The following PIK3AP1 variants were observed in gnomAD, a reference collection of about 807,000 sequenced individuals.
PIK3AP1 encodes the protein phosphoinositide 3-kinase adapter protein 1.
PIK3AP1 carries 21 observed loss-of-function variants against 88.1 expected under a neutral mutation model. That is an observed-to-expected ratio of 0.24 (90% confidence interval 0.17 to 0.34). The LOEUF (loss-of-function observed/expected upper bound fraction) is 0.34. Among genes scored for constraint, PIK3AP1 ranks in the 10% least tolerant of loss-of-function variants. PIK3AP1 has a pLI of 1.00. For missense variants in PIK3AP1, 828 were observed against 1,035.7 expected (o/e 0.80, Z 2.75); for synonymous variants, 398 against 400.0 (o/e 1.00, Z 0.06).
At chr10:96,677,623 ACAC>A (rs1278131605) in intron 2 of PIK3AP1, among the ~76,000 whole-genome samples, 193 of 150,796 alleles carry the variant, frequency 1.3e-3, no homozygotes, top group African/African-American at 4.5e-3. Flanking sequence ...ACACACACAC[ACAC>A]AAAAGGCCTT....
At position 96,656,811 on chromosome 10, in the gene PIK3AP1, C is replaced by A. The variant is rs1364487885; in HGVS notation, c.554G>T (p.Arg185Leu). Residue 185 changes from arginine (R) to leucine (L), a missense_variant, in exon 3 of 17, where the codon CGC (arginine) becomes CTC (leucine). Physicochemically the swap from Arg to Leu is moderately radical, Grantham distance 102 (BLOSUM62 -2). Around this residue, in one of 3 missense-constraint regions of PIK3AP1, gnomAD observed 610 missense variants for 760.1 expected, o/e 0.80. Coordinates refer to ENST00000339364, the MANE Select transcript of PIK3AP1 (RefSeq NM_152309.3). ...AGCAGTGCCTACCCCACAGCGAATGCGGTCCGGCTGCACCACCATCAGGTT... is the reference window on the plus strand; with the variant it reads ...AGCAGTGCCTACCCCACAGCGAATGAGGTCCGGCTGCACCACCATCAGGTT... ...PGNLMVVQPD[R>L]IRCGAETTVY... is the part of the protein sequence containing the mutation. The A allele has an allele frequency of 1.9e-6, 3 of 1,613,990 alleles. No individual in the cohort carries two copies. The highest frequency in any genetic ancestry group is 2.5e-6 in the Non-Finnish European group (3 of 1,179,984).
intron 2 of PIK3AP1, among the ~76,000 whole-genome samples, chr10:96,673,860 A>G (rs1843881231): frequency 1.3e-5 from 2 of 152,210 alleles, no homozygotes; most frequent in Admixed American, 6.5e-5. Flanking sequence ...CTCCCACTCA[A>G]TGGTCAAAGT....
chr10:96,626,749 C>T lies in PIK3AP1; in HGVS notation c.1628G>A (p.Gly543Asp), dbSNP rs1843158917. The T allele has an allele frequency of 6.2e-7, 1 of 1,614,100 alleles. No individual in the cohort carries two copies. The change falls in exon 10 of 17, where the codon GGT (glycine) becomes GAT (aspartate). Residue 543 changes from glycine to aspartate, a missense_variant. By Grantham distance (94) the Gly-to-Asp change is moderately conservative. Coordinates refer to ENST00000339364, the MANE Select transcript of PIK3AP1 (RefSeq NM_152309.3). ...PVPRPETTAPGAHQLPDNEPY... is the reference protein window; with the variant it reads ...PVPRPETTAPDAHQLPDNEPY... ...TTCGTTGTCAGGCAGCTGGTGAGCACCAGGAGCAGTGGTCTCTGGTCTGGG... is the reference window on the plus strand; with the variant it reads ...TTCGTTGTCAGGCAGCTGGTGAGCATCAGGAGCAGTGGTCTCTGGTCTGGG...
chr10:96,630,388 C>T (rs7900070), intron 8 of PIK3AP1, among the ~76,000 whole-genome samples: 132,159 of 152,184 alleles, frequency 0.87, 58,416 homozygotes, highest in East Asian at 1. Context: ...CTGAAGCATA[C>T]CTAGAGATGC....
intron 2 of PIK3AP1, among the ~76,000 whole-genome samples, chr10:96,659,337 T>C (rs979206033): frequency 6.6e-6 from 1 of 152,150 alleles, no homozygotes; most frequent in Non-Finnish European, 1.5e-5. Context: ...GTGGCCACAG[T>C]GGCTGGAGTG....
chr10:96,622,725 G>T (rs539163215), intron 11 of PIK3AP1, among the ~76,000 whole-genome samples: 3 of 152,260 alleles, frequency 2.0e-5, no homozygotes, highest in African/African-American at 7.2e-5. Flanking sequence ...TGGTGTCATG[G>T]CTACTTTTCA....
chr10:96,643,959 C>T (rs751244603), intron 8 of PIK3AP1, among the ~76,000 whole-genome samples: 6 of 152,196 alleles, frequency 3.9e-5, no homozygotes, highest in Non-Finnish European at 7.3e-5. Context: ...GCTAAGTCTC[C>T]GGTGGTGCCT....
rs1044346632 is a variant in PIK3AP1, at chr10:96,720,274, C to T, written c.13+108G>A. 18 of 1,095,248 alleles carry T rather than the reference C, an allele frequency of 1.6e-5. No individual in the cohort carries two copies. Among genetic ancestry groups the T allele is most frequent in the Non-Finnish European group, 2.1e-5 (18 of 857,402 alleles). The allele number at this position is 1,095,248 out of a possible 1,614,324, so 67.8% of individuals were successfully genotyped here. A position where few individuals can be genotyped will look rare whatever the true frequency, so the allele number is the denominator to read the frequency against. ...AAAAGAGCAGAAAGAGGGCAAGATC[C>T]CCGCACAGAGGACGCAAACAGAAGC... On this transcript the variant is annotated intron_variant, in intron 1 of 16. Coordinates refer to ENST00000339364, the MANE Select transcript of PIK3AP1 (RefSeq NM_152309.3). This position sits in a 1 kb window ranked among gnomAD's most constrained non-coding sequence, Gnocchi z 4.6.
At chr10:96,719,559 T>A (rs974076687) in intron 1 of PIK3AP1, among the ~76,000 whole-genome samples, 1 of 152,250 alleles carries the variant, frequency 6.6e-6, no homozygotes, top group Non-Finnish European at 1.5e-5. Flanking sequence ...AGGTGTTTCC[T>A]GCCCACCATG....
At chr10:96,711,930 A>AT (rs1844444458) in intron 1 of PIK3AP1, among the ~76,000 whole-genome samples, 2 of 146,066 alleles carry the variant, frequency 1.4e-5, no homozygotes, top group African/African-American at 5.0e-5. Flanking sequence ...TTTTTTTTTT[A>AT]TTTTTAGTAG....
intron 8 of PIK3AP1, among the ~76,000 whole-genome samples, chr10:96,640,089 A>C (rs1334677917): frequency 6.6e-6 from 1 of 152,222 alleles, no homozygotes; most frequent in Non-Finnish European, 1.5e-5. Context: ...GCTAGAGCTA[A>C]GTCAGCTCTC....
intron 13 of PIK3AP1, among the ~76,000 whole-genome samples, chr10:96,613,838 C>G (rs1849167293): frequency 6.6e-6 from 1 of 152,140 alleles, no homozygotes; most frequent in South Asian, 2.1e-4. Context: ...CTCCCAGGTG[C>G]CAGGCACTGT....
intron 2 of PIK3AP1, among the ~76,000 whole-genome samples, chr10:96,683,688 T>G (rs1425533668): frequency 6.6e-6 from 1 of 152,230 alleles, no homozygotes; most frequent in Non-Finnish European, 1.5e-5. Context: ...GATGTAGTGA[T>G]AGTCCATTCA....
chr10:96,628,878 A>G (rs1213111262), intron 8 of PIK3AP1, among the ~76,000 whole-genome samples: 2 of 9,828 alleles, frequency 2.0e-4, no homozygotes, highest in Non-Finnish European at 4.4e-4. Context: ...ATATACACAT[A>G]TATATATATA....
chr10:96,660,444 A>C (rs1843670724), intron 2 of PIK3AP1, among the ~76,000 whole-genome samples: 1 of 152,208 alleles, frequency 6.6e-6, no homozygotes, highest in African/African-American at 2.4e-5. Context: ...CAAATCTATG[A>C]GAATGGGCAG....
intron 8 of PIK3AP1, among the ~76,000 whole-genome samples, chr10:96,635,031 C>T (rs560109549): frequency 9.9e-5 from 15 of 152,262 alleles, no homozygotes; most frequent in Admixed American, 3.3e-4. Context: ...TTTCTGACGC[C>T]CTCTTCCACT....
At chr10:96,651,741 G>A in intron 4 of PIK3AP1, 90 bp from the exon 5 acceptor site, 1 of 1,421,326 alleles carries the variant, frequency 7.0e-7, no homozygotes, top group Non-Finnish European at 9.6e-7. Context: ...CCATCTGAGT[G>A]GTGAGGACAC....
intron 14 of PIK3AP1, among the ~76,000 whole-genome samples, chr10:96,604,780 A>G (rs552659130): frequency 2.1e-4 from 32 of 152,350 alleles, no homozygotes; most frequent in Non-Finnish European, 7.4e-5. Context: ...ACAGGTATGT[A>G]TCACCCATGC....
intron 16 of PIK3AP1, among the ~76,000 whole-genome samples, chr10:96,597,850 A>T (rs1053730776): frequency 6.6e-6 from 1 of 152,100 alleles, no homozygotes; most frequent in Non-Finnish European, 1.5e-5. Flanking sequence ...TCACAAAGAC[A>T]ACCATGATTT....
Sources: gnomAD v4.1 joint callset for allele counts (sites outside exome capture counted in the v4.1 genomes callset) on GRCh38, gnomAD v4.1.1 for gene constraint, gnomAD v4.1.1 regional missense constraint, Gnocchi (gnomAD v3.1) non-coding constraint, MANE v1.5 for transcripts, NCBI Gene and HGNC (gene_info 2026-07-23, HGNC 2026-07-21) for gene names.